Variants in TGM3 observed in about 807,000 individuals in gnomAD.
The protein encoded by TGM3 is transglutaminase 3.
In TGM3, 52 loss-of-function variants were observed where a neutral mutation model predicts 73.8. The ratio of observed to expected loss-of-function variants is 0.70; its 90% confidence interval spans 0.56 to 0.89. TGM3 has a LOEUF of 0.89. TGM3 is among the 40% of genes least tolerant of loss of function. The pLI, the probability that TGM3 is intolerant of heterozygous loss-of-function variation, is 0.00. For missense variants in TGM3, 928 were observed against 909.9 expected (o/e 1.02, Z -0.26); for synonymous variants, 372 against 354.9 (o/e 1.05, Z -0.54).
At chr20:2,331,674 C>A (rs1462629250) in intron 9 of TGM3, among the ~76,000 whole-genome samples, 1 of 152,122 alleles carries the variant, frequency 6.6e-6, no homozygotes, top group Non-Finnish European at 1.5e-5. Context: ...TTTTAAGTCT[C>A]ACAAAAGACA....
In TGM3 at chr20:2,319,647, G is replaced by A. The variant is rs190250594; in HGVS notation, c.983+2162G>A. 1.9e-3 allele frequency among the ~76,000 whole-genome samples: 286 copies of A among 152,320 alleles called. 1 individual carries two copies. The highest frequency in any genetic ancestry group is 0.019 in the Admixed American group (286 of 15,308). The stretch of plus-strand genomic sequence containing the variant: ...TGTGGTCATTTCTGTGGCCTCATGG[G>A]AGGGGGCCAGGCGCAGAAGCTCTGA... On this transcript the variant is annotated intron_variant, in intron 7 of 12. Coordinates refer to ENST00000381458, the MANE Select transcript of TGM3 (RefSeq NM_003245.4).
intron 1 of TGM3, among the ~76,000 whole-genome samples, chr20:2,308,286 A>T (rs960721984): frequency 6.6e-6 from 1 of 152,180 alleles, no homozygotes; most frequent in African/African-American, 2.4e-5. Flanking sequence ...GACACAAATA[A>T]AAAAGAGCTG....
intron 1 of TGM3, among the ~76,000 whole-genome samples, chr20:2,304,254 A>G (rs2084166204): frequency 6.6e-6 from 1 of 152,092 alleles, no homozygotes; most frequent in African/African-American, 2.4e-5. Context: ...TGGATCCTTG[A>G]ATTGGGGGCT....
intron 1 of TGM3, among the ~76,000 whole-genome samples, chr20:2,306,796 G>A (rs1408968476): frequency 6.6e-6 from 1 of 152,130 alleles, no homozygotes; most frequent in Admixed American, 6.5e-5. Flanking sequence ...TTTTTCTAAA[G>A]TGAGTAAAGT....
chr20:2,328,029 G>A lies in TGM3; in HGVS notation c.1088-91G>A. 6.4e-7 allele frequency: 1 copy of A among 1,567,258 alleles called. No individual in the cohort carries two copies. The highest frequency in any genetic ancestry group is 1.2e-5 in the South Asian group (1 of 84,028). ...GAATTTGGGCGGGGCAGAGGCAGGGGGTTGCAGTGGTCCTGGAAGGCCCTG... is the reference window on the plus strand; with the variant it reads ...GAATTTGGGCGGGGCAGAGGCAGGGAGTTGCAGTGGTCCTGGAAGGCCCTG... On this transcript the variant is annotated intron_variant, in intron 8 of 12. Transcript: ENST00000381458. The surrounding 1 kb of genome is among the most constrained non-coding windows in gnomAD (Gnocchi z 5.2).
intron 7 of TGM3, among the ~76,000 whole-genome samples, chr20:2,318,127 C>T (rs1260769503): frequency 6.6e-6 from 1 of 152,016 alleles, no homozygotes; most frequent in Non-Finnish European, 1.5e-5. Flanking sequence ...TCAAGTGATT[C>T]TCCTGCCTCA....
At chr20:2,338,903 A>T (rs2084365358) in intron 11 of TGM3, among the ~76,000 whole-genome samples, 1 of 152,244 alleles carries the variant, frequency 6.6e-6, no homozygotes, top group African/African-American at 2.4e-5. Flanking sequence ...CAAAGAGATG[A>T]CTTGTCTGCC....
chr20:2,307,534 CT>C (rs1252733870), intron 1 of TGM3, among the ~76,000 whole-genome samples: 1 of 152,202 alleles, frequency 6.6e-6, no homozygotes, highest in African/African-American at 2.4e-5. Context: ...TTCAGTGTAG[CT>C]TTTCCTGATC....
At chr20:2,340,321 A>T (rs2084374401) in intron 12 of TGM3, 113 bp from the exon 13 acceptor site, 1 of 1,460,644 alleles carries the variant, frequency 6.8e-7, no homozygotes, top group African/African-American at 1.4e-5. Context: ...GGAGCTAAAG[A>T]AGCAGTGGCC....
intron 11 of TGM3, among the ~76,000 whole-genome samples, chr20:2,337,131 G>T (rs2084355098): frequency 6.6e-6 from 1 of 152,152 alleles, no homozygotes; most frequent in Non-Finnish European, 1.5e-5. Context: ...TGTCTTAGTG[G>T]ATAGCCACTA....
chr20:2,308,320 C>A (rs2084185450), intron 1 of TGM3, among the ~76,000 whole-genome samples: 2 of 152,238 alleles, frequency 1.3e-5, no homozygotes, highest in South Asian at 4.1e-4. Flanking sequence ...AATGCACCTT[C>A]ACACTCTCAT....
rs1407774089 is a variant in TGM3, at chr20:2,334,049, G to A, written c.1643-1067G>A. 2.0e-5 allele frequency among the ~76,000 whole-genome samples: 3 copies of A among 152,198 alleles called. No individual in the cohort carries two copies. The highest frequency in any genetic ancestry group is 4.1e-4 in the South Asian group (2 of 4,830). The stretch of plus-strand genomic sequence containing the variant: ...TGCTGGGGCATCCCCAGGCCACCCA[G>A]CATGACAGCCTGAGGGAAGGGAGCA... On this transcript the variant is annotated intron_variant, in intron 10 of 12. Coordinates refer to ENST00000381458, the MANE Select transcript of TGM3 (RefSeq NM_003245.4). This position sits in a 1 kb window ranked among gnomAD's most constrained non-coding sequence, Gnocchi z 4.0.
intron 7 of TGM3, among the ~76,000 whole-genome samples, chr20:2,320,816 G>GA: frequency 6.6e-6 from 1 of 152,276 alleles, no homozygotes; most frequent in East Asian, 1.9e-4. Context: ...GAATGATTTG[G>GA]AACAGTTTAG....
chr20:2,339,715 A>C (rs1185181594), intron 11 of TGM3, 139 bp from the exon 12 acceptor site: 1 of 1,136,228 alleles, frequency 8.8e-7, no homozygotes, highest in Non-Finnish European at 1.3e-6. Context: ...CCTGGCACCT[A>C]GGAGGGCTAA....
At position 2,325,967 on chromosome 20, in the gene TGM3, T is replaced by C. The variant is rs1194633583; in HGVS notation, c.1087+15T>C. 12 of 1,580,576 alleles carry C rather than the reference T, an allele frequency of 7.6e-6. No individual in the cohort carries two copies. The highest frequency in any genetic ancestry group is 1.0e-5 in the Non-Finnish European group (12 of 1,161,348). On this transcript the variant is annotated intron_variant, in intron 8 of 12. Coordinates refer to ENST00000381458, the MANE Select transcript of TGM3 (RefSeq NM_003245.4). ...AAGAAGCCAAGGTAACTTCTCTGGG[T>C]GTGGTTCTGAGTCGTGAGCCTCACA...
chr20:2,327,797 A>T (rs1157468753), intron 8 of TGM3, among the ~76,000 whole-genome samples: 1 of 152,208 alleles, frequency 6.6e-6, no homozygotes, highest in Admixed American at 6.5e-5. Flanking sequence ...GCAGAGGTAG[A>T]AAAGAGGCAG....
chr20:2,318,890 A>T (rs2084249193), intron 7 of TGM3, among the ~76,000 whole-genome samples: 1 of 152,202 alleles, frequency 6.6e-6, no homozygotes, highest in South Asian at 2.1e-4. Context: ...TAACAACTCC[A>T]TGCCAGCAAC....
At chr20:2,327,621 GACA>G (rs1387596757) in intron 8 of TGM3, among the ~76,000 whole-genome samples, 1 of 152,196 alleles carries the variant, frequency 6.6e-6, no homozygotes, top group Non-Finnish European at 1.5e-5. Context: ...GAAAGTCACT[GACA>G]TCTATCTATC....
intron 1 of TGM3, among the ~76,000 whole-genome samples, chr20:2,300,638 A>T (rs214781): frequency 6.6e-6 from 1 of 152,078 alleles, no homozygotes; most frequent in Non-Finnish European, 1.5e-5. Context: ...TTTGATATTG[A>T]GTAAGTGACT....
Sources: allele counts gnomAD v4.1 joint callset (sites outside exome capture counted in the v4.1 genomes callset), GRCh38; gene constraint gnomAD v4.1.1; non-coding constraint Gnocchi (gnomAD v3.1); transcripts MANE v1.5; gene names NCBI Gene and HGNC (gene_info 2026-07-23, HGNC 2026-07-21).